Variants in IGF1R observed in about 807,000 individuals in gnomAD.
The protein encoded by IGF1R is insulin-like growth factor 1 receptor.
IGF1R carries 44 observed loss-of-function variants against 144.6 expected under a neutral mutation model. The ratio of observed to expected loss-of-function variants is 0.30; its 90% confidence interval spans 0.24 to 0.39. The LOEUF is 0.39. Ranked by LOEUF, IGF1R falls within the 10% of genes least tolerant of loss-of-function variation. The pLI, the probability that IGF1R is intolerant of heterozygous loss-of-function variation, is 1.00. For synonymous variants in IGF1R, 795 were observed against 722.8 expected (o/e 1.10, Z -1.60); for missense variants, 1,355 against 1,833.7 (o/e 0.74, Z 4.77).
At chr15:98,804,523 G>C (rs185899790) in intron 2 of IGF1R, among the ~76,000 whole-genome samples, 18 of 152,220 alleles carry the variant, frequency 1.2e-4, no homozygotes, top group Admixed American at 1.0e-3. Flanking sequence ...TGCTTTGAGA[G>C]GATGGGGATG....
At chr15:98,650,089 G>A (rs1356010886) in intron 1 of IGF1R, among the ~76,000 whole-genome samples, 1 of 152,134 alleles carries the variant, frequency 6.6e-6, no homozygotes, top group East Asian at 1.9e-4. Flanking sequence ...CGGCGCGCAG[G>A]CAGCAGCGAC....
At chr15:98,801,311 C>A (rs1328500484) in intron 2 of IGF1R, among the ~76,000 whole-genome samples, 5 of 152,196 alleles carry the variant, frequency 3.3e-5, no homozygotes, top group Non-Finnish European at 7.3e-5. Context: ...ATTGTTGTGG[C>A]CACCAAAACC....
intron 2 of IGF1R, among the ~76,000 whole-genome samples, chr15:98,846,937 A>G (rs995492711): frequency 1.3e-5 from 2 of 151,608 alleles, no homozygotes; most frequent in African/African-American, 4.8e-5. Flanking sequence ...ATGGCTGCCA[A>G]TTATTATATT....
At chr15:98,838,046 T>G (rs572597100) in intron 2 of IGF1R, among the ~76,000 whole-genome samples, 2 of 152,338 alleles carry the variant, frequency 1.3e-5, no homozygotes, top group Admixed American at 6.5e-5. Flanking sequence ...AGGTACTGAT[T>G]TTTTTCATCC....
At chr15:98,832,627 T>C (rs904625323) in intron 2 of IGF1R, among the ~76,000 whole-genome samples, 2 of 151,992 alleles carry the variant, frequency 1.3e-5, no homozygotes, top group Admixed American at 6.5e-5. Flanking sequence ...CTTGAGTGCA[T>C]GGTTTTTTTC....
intron 2 of IGF1R, among the ~76,000 whole-genome samples, chr15:98,744,761 TG>T (rs996169792): frequency 1.0e-4 from 15 of 148,426 alleles, no homozygotes; most frequent in African/African-American, 3.9e-4. Context: ...CAAACTGCTC[TG>T]TTTTTTTTTT....
chr15:98,869,687 A>T (rs2012677338), intron 2 of IGF1R, among the ~76,000 whole-genome samples: 1 of 151,880 alleles, frequency 6.6e-6, no homozygotes, highest in Admixed American at 6.6e-5. Flanking sequence ...CACGCGCCTC[A>T]CCCTCCCAAA....
chr15:98,753,380 C>CT (rs1173073572), intron 2 of IGF1R, among the ~76,000 whole-genome samples: 14,170 of 60,136 alleles, frequency 0.24, 3,227 homozygotes, highest in Non-Finnish European at 0.29. Context: ...CCATACCTGG[C>CT]TTTTTTTTTT....
intron 2 of IGF1R, among the ~76,000 whole-genome samples, chr15:98,710,696 C>T (rs1478869836): frequency 3.0e-5 from 4 of 134,874 alleles, no homozygotes; most frequent in Admixed American, 8.1e-5. Context: ...GGCGGAGTTT[C>T]GCTCTCATCA....
At chr15:98,650,264 C>G (rs921792226) in intron 1 of IGF1R, among the ~76,000 whole-genome samples, 1 of 152,206 alleles carries the variant, frequency 6.6e-6, no homozygotes, top group Non-Finnish European at 1.5e-5. Context: ...CGCTGCCTCC[C>G]GTCGCCCAAC....
At chr15:98,855,978 C>T (rs1465593175) in intron 2 of IGF1R, among the ~76,000 whole-genome samples, 2 of 152,238 alleles carry the variant, frequency 1.3e-5, no homozygotes, top group African/African-American at 2.4e-5. Context: ...GGCTGCAACA[C>T]GGTGGCCAAA....
intron 2 of IGF1R, among the ~76,000 whole-genome samples, chr15:98,875,298 G>A (rs1405937580): frequency 1.3e-5 from 2 of 150,766 alleles, no homozygotes; most frequent in African/African-American, 4.9e-5. Flanking sequence ...TTGAAGAAGA[G>A]ATTTATGCTT....
chr15:98,957,542 A>G lies in IGF1R; in HGVS notation c.*100A>G. On this transcript the variant is annotated 3_prime_UTR_variant, in exon 21 of 21. Transcript: ENST00000650285. ...AACAATCCATTCACAAGCCTCCTGT[A>G]CCTCAGTGGATCTTCAGAACTGCCC... The G allele has an allele frequency of 1.4e-6, 2 of 1,476,582 alleles. No individual in the cohort carries two copies. The highest frequency in any genetic ancestry group is 1.9e-6 in the Non-Finnish European group (2 of 1,067,158). 91.5% of individuals were successfully genotyped at this position (1,476,582 alleles called of 1,614,324 possible).
rs535484070 is a variant in IGF1R at position 98,915,110 on chromosome 15, A to G, written c.1829-854A>G. Among the ~76,000 whole-genome samples, 5 of 152,326 alleles carry G rather than the reference A, an allele frequency of 3.3e-5. 1 individual carries two copies. In the South Asian group the frequency reaches 1.0e-3, roughly 32 times the overall value. ...CAGTGAAGGTGTCTCCTGTGCTTTG[A>G]AAAACCATCAACATTGATGCTTTTT... On this transcript the variant is annotated intron_variant, in intron 8 of 20. Transcript: ENST00000650285.
intron 1 of IGF1R, among the ~76,000 whole-genome samples, chr15:98,668,951 G>A (rs1176747537): frequency 1.3e-5 from 2 of 152,168 alleles, no homozygotes; most frequent in Non-Finnish European, 2.9e-5. Flanking sequence ...GAAGGTGATT[G>A]TTAATTGTTT....
At chr15:98,822,064 A>G (rs532696788) in intron 2 of IGF1R, among the ~76,000 whole-genome samples, 1 of 152,378 alleles carries the variant, frequency 6.6e-6, no homozygotes, top group East Asian at 1.9e-4. Flanking sequence ...AGGCAAGGCA[A>G]GTCAATGAGA....
intron 2 of IGF1R, among the ~76,000 whole-genome samples, chr15:98,785,490 G>A (rs551747024): frequency 6.6e-6 from 1 of 152,244 alleles, no homozygotes; most frequent in African/African-American, 2.4e-5. Flanking sequence ...ATGTTCATAA[G>A]GAAGGGTAGC....
At chr15:98,953,944 A>G (rs565241732) in intron 20 of IGF1R, among the ~76,000 whole-genome samples, 1 of 152,262 alleles carries the variant, frequency 6.6e-6, no homozygotes, top group East Asian at 1.9e-4. Flanking sequence ...CCCCATGTCC[A>G]CAGCCGCTCC....
chr15:98,755,722 A>AGC (rs1465324702), intron 2 of IGF1R, among the ~76,000 whole-genome samples: 1 of 10,860 alleles, frequency 9.2e-5, no homozygotes, highest in Non-Finnish European at 6.2e-4. Context: ...CCATTGCAAA[A>AGC]AAAAAAAAAA....
Sources: allele counts gnomAD v4.1 joint callset (sites outside exome capture counted in the v4.1 genomes callset), GRCh38; gene constraint gnomAD v4.1.1; transcripts MANE v1.5; gene names NCBI Gene and HGNC (gene_info 2026-07-23, HGNC 2026-07-21).